Variants in LNX2 observed in about 807,000 individuals in gnomAD.
The protein encoded by LNX2 is ligand of numb-protein X 2.
Under a neutral mutation model 66.2 loss-of-function variants are expected in LNX2, and 35 were observed. The observed-to-expected ratio is 0.53, with a 90% CI of 0.40 to 0.70. The LOEUF (loss-of-function observed/expected upper bound fraction) is 0.70, where lower values mean the gene tolerates loss of function less well. Ranked by LOEUF, LNX2 falls within the 30% of genes least tolerant of loss-of-function variation. LNX2 has a pLI of 0.00. For synonymous variants in LNX2, 337 were observed against 315.6 expected (o/e 1.07, Z -0.72); for missense variants, 791 against 850.8 (o/e 0.93, Z 0.87).
intron 1 of LNX2, among the ~76,000 whole-genome samples, chr13:27,608,813 T>C (rs1354115835): frequency 6.6e-6 from 1 of 152,130 alleles, no homozygotes; most frequent in East Asian, 1.9e-4. Flanking sequence ...TTTTGTTTTG[T>C]TTTGGTGGGG....
chr13:27,610,480 A>ACAC (rs1955760662), intron 1 of LNX2, among the ~76,000 whole-genome samples: 1 of 152,214 alleles, frequency 6.6e-6, no homozygotes, highest in South Asian at 2.1e-4. Context: ...CCCTTATCTT[A>ACAC]CACCATATTC....
intron 1 of LNX2, among the ~76,000 whole-genome samples, chr13:27,605,949 G>A (rs1955710284): frequency 6.6e-6 from 1 of 151,712 alleles, no homozygotes; most frequent in Admixed American, 6.6e-5. Context: ...TATTCTAATT[G>A]AACTCAAGGA....
chr13:27,620,861 A>G (rs1244924863), upstream of LNX2: 5 of 148,786 alleles, frequency 3.4e-5, no homozygotes, highest in African/African-American at 4.9e-5. Context: ...CGCCGCCAAG[A>G]GTGGCACAGC....
At chr13:27,557,993 G>C (rs1955083984) in intron 6 of LNX2, among the ~76,000 whole-genome samples, 1 of 151,900 alleles carries the variant, frequency 6.6e-6, no homozygotes, top group Non-Finnish European at 1.5e-5. Context: ...ATTACTCTAG[G>C]TGTCTAAAAT....
intron 2 of LNX2, among the ~76,000 whole-genome samples, chr13:27,574,398 G>A (rs1955320705): frequency 6.6e-6 from 1 of 151,778 alleles, no homozygotes; most frequent in South Asian, 2.1e-4. Context: ...GGGAACAAGA[G>A]CAAAACTCTG....
chr13:27,550,254 T>A, intron 9 of LNX2, 79 bp downstream of exon 9: 1 of 1,269,564 alleles, frequency 7.9e-7, no homozygotes. Flanking sequence ...CTGGATTTAG[T>A]GCTGACCCCT....
intron 1 of LNX2, among the ~76,000 whole-genome samples, chr13:27,601,375 G>T (rs566088606): frequency 6.6e-6 from 1 of 152,128 alleles, no homozygotes; most frequent in Non-Finnish European, 1.5e-5. Flanking sequence ...TAAGCAATAC[G>T]TGATGCAATT....
chr13:27,581,451 G>A lies in LNX2; in HGVS notation c.253C>T (p.Pro85Ser). 1 of 1,611,034 alleles carries A rather than the reference G, an allele frequency of 6.2e-7. No individual in the cohort carries two copies. The highest frequency in any genetic ancestry group is 1.1e-5 in the South Asian group (1 of 90,938). Residue 85 changes from proline (P) to serine (S), a missense_variant, in exon 2 of 10, where the codon CCG (proline) becomes TCG (serine). Coordinates refer to ENST00000316334, the MANE Select transcript of LNX2 (RefSeq NM_153371.4). ...RNFLQEKDFC[P>S]LDRKRLHFKL... ...AAATGAAGTCTTTTCCGGTCCAACG[G>A]ACAGAAATCTTTCTCTTGTAAAAAG...
intron 6 of LNX2, among the ~76,000 whole-genome samples, chr13:27,558,849 C>A (rs1433457128): frequency 6.6e-6 from 1 of 152,072 alleles, no homozygotes; most frequent in Non-Finnish European, 1.5e-5. Flanking sequence ...ACCATATAAA[C>A]CCAATGGGCC....
chr13:27,567,104 A>G (rs1280422053), intron 4 of LNX2, among the ~76,000 whole-genome samples: 1 of 152,170 alleles, frequency 6.6e-6, no homozygotes, highest in Non-Finnish European at 1.5e-5. Context: ...GTGTTTGCTG[A>G]GGAGAGTGCA....
Position 27,613,781 on chromosome 13 carries a change from T to A in LNX2, c.-101+6594A>T, listed in dbSNP as rs543538800. On this transcript the variant is annotated intron_variant, in intron 1 of 9. Coordinates refer to ENST00000316334, the MANE Select transcript of LNX2 (RefSeq NM_153371.4). ...AGACGCAGTCTCAAAAAAATAAAAA[T>A]AAAAAAATAAAAATACAGGCGAAGC... 4.0e-5 allele frequency among the ~76,000 whole-genome samples: 6 copies of A among 151,822 alleles called. No individual in the cohort carries two copies. In the South Asian group the frequency reaches 8.3e-4, roughly 21 times the overall value.
intron 1 of LNX2, among the ~76,000 whole-genome samples, chr13:27,586,340 T>C (rs1955486903): frequency 6.6e-6 from 1 of 152,138 alleles, no homozygotes; most frequent in Non-Finnish European, 1.5e-5. Flanking sequence ...CAGGAAAGCT[T>C]TAGAGTATGA....
intron 1 of LNX2, among the ~76,000 whole-genome samples, chr13:27,582,977 A>T (rs1260366034): frequency 6.6e-6 from 1 of 152,194 alleles, no homozygotes; most frequent in Non-Finnish European, 1.5e-5. Flanking sequence ...TATGTCACAC[A>T]GATTATAGAA....
At position 27,569,143 on chromosome 13, in the gene LNX2, A is replaced by G. The variant is rs780607318; in HGVS notation, c.541T>C (p.Leu181=). The change falls in exon 3 of 10, where the codon TTG becomes CTG. Residue 181 remains leucine (L), a synonymous_variant. Coordinates refer to ENST00000316334, the MANE Select transcript of LNX2 (RefSeq NM_153371.4). ...AGTLSPEADC[L]GTGAVPVERH... The stretch of plus-strand genomic sequence containing the variant: ...TCCACAGGCACTGCGCCTGTCCCCA[A>G]ACAGTCTGCTTCTGGAGATAAGGTA... The G allele has an allele frequency of 2.5e-6, 4 of 1,612,638 alleles. No homozygotes were observed. Among genetic ancestry groups the G allele is most frequent in the Non-Finnish European group, 3.4e-6 (4 of 1,179,558 alleles).
chr13:27,585,997 T>C (rs1394459743), intron 1 of LNX2, among the ~76,000 whole-genome samples: 5 of 98,764 alleles, frequency 5.1e-5, no homozygotes, highest in Non-Finnish European at 8.2e-5. Flanking sequence ...TGTATATATA[T>C]ACACTTATAT....
chr13:27,611,189 A>C (rs551532075), intron 1 of LNX2, among the ~76,000 whole-genome samples: 1 of 152,380 alleles, frequency 6.6e-6, no homozygotes, highest in Non-Finnish European at 1.5e-5. Flanking sequence ...GCAATAGCCA[A>C]GAGGTAGAAG....
chr13:27,572,274 G>A lies in LNX2; in HGVS notation c.408-2998C>T, dbSNP rs139593775. Among the ~76,000 whole-genome samples the A allele has an allele frequency of 2.7e-3, 413 of 152,310 alleles. 1 individual carries two copies. The highest frequency in any genetic ancestry group is 9.5e-3 in the African/African-American group (395 of 41,566). On this transcript the variant is annotated intron_variant, in intron 2 of 9. Coordinates refer to ENST00000316334, the MANE Select transcript of LNX2 (RefSeq NM_153371.4). ...ACATTTAAGAACACAAACTGAAATT[G>A]CACTGGGGGAGGTGACTTGGTTTAT... is the stretch of plus-strand genomic sequence containing the variant.
chr13:27,566,084 G>C (rs1026736285), intron 4 of LNX2, among the ~76,000 whole-genome samples: 4 of 152,188 alleles, frequency 2.6e-5, no homozygotes, highest in African/African-American at 7.2e-5. Context: ...CATTAGGGTG[G>C]TTGCAATTAC....
In LNX2 at chr13:27,550,374, A is replaced by T; in HGVS notation, c.1896T>A (p.Thr632=). 6.2e-7 allele frequency: 1 copy of T among 1,613,940 alleles called. No homozygotes were observed. The change falls in exon 9 of 10, where the codon ACT becomes ACA. Residue 632 remains threonine (T), a synonymous_variant. Transcript: ENST00000316334. Reference sequence around the variant, plus strand: ...AATAAGCAGGAGTTCCCAAGACAATAGTTTTAATGAAAAAAGGCTGATTGG... The same window carrying T: ...AATAAGCAGGAGTTCCCAAGACAATTGTTTTAATGAAAAAAGGCTGATTGG... ...NHTNQPFFIK[T]IVLGTPAYYD...
Sources: gnomAD v4.1 joint callset for allele counts (sites outside exome capture counted in the v4.1 genomes callset) on GRCh38, gnomAD v4.1.1 for gene constraint, MANE v1.5 for transcripts, NCBI Gene and HGNC (gene_info 2026-07-23, HGNC 2026-07-21) for gene names.